Variants in MCC observed in about 807,000 individuals in gnomAD.
MCC encodes the protein MCC regulator of Wnt signaling pathway.
In MCC, 90 loss-of-function variants were observed where a neutral mutation model predicts 116.2. The ratio of observed to expected loss-of-function variants is 0.77; its 90% CI spans 0.65 to 0.92. MCC has a LOEUF of 0.92. Among genes scored for constraint, MCC ranks in the 40% least tolerant of loss-of-function variants. The pLI is 0.00. For missense variants in MCC, 1,516 were observed against 1,312.2 expected (o/e 1.16, Z -2.40); for synonymous variants, 578 against 510.5 (o/e 1.13, Z -1.78).
At chr5:113,208,888 C>T (rs960661153) in intron 3 of MCC, among the ~76,000 whole-genome samples, 5 of 152,160 alleles carry the variant, frequency 3.3e-5, no homozygotes, top group Non-Finnish European at 7.3e-5. Context: ...TATTACAATT[C>T]GCTAGAAAAT....
At chr5:113,042,269 T>G in intron 17 of MCC, among the ~76,000 whole-genome samples, 1 of 143,328 alleles carries the variant, frequency 7.0e-6, no homozygotes. Flanking sequence ...CCCAGGAGTT[T>G]GAGACCAGCC....
In MCC at chr5:113,102,663, T is replaced by C. The variant is rs77674100; in HGVS notation, c.1192-718A>G. 8.4e-3 allele frequency among the ~76,000 whole-genome samples: 1,283 copies of C among 152,300 alleles called. 23 individuals carry two copies. Among genetic ancestry groups the C allele is most frequent in the African/African-American group, 0.03 (1,229 of 41,558 alleles). On this transcript the variant is annotated intron_variant, in intron 7 of 18. Coordinates refer to ENST00000408903, the MANE Select transcript of MCC (RefSeq NM_001085377.2). The stretch of plus-strand genomic sequence containing the variant: ...AAAAACATTTAATGAAGAAGAAACA[T>C]GCATATTAGGGAAAAAAGGAAGAAG...
intron 2 of MCC, among the ~76,000 whole-genome samples, chr5:113,361,614 T>C (rs1768550076): frequency 1.3e-5 from 2 of 152,354 alleles, no homozygotes; most frequent in East Asian, 3.9e-4. Context: ...GATACCCAGA[T>C]AGCTGGTAAA....
In MCC at chr5:113,041,122, C is replaced by A. The variant is rs973246155; in HGVS notation, c.2756+2408G>T. Among the ~76,000 whole-genome samples, 29 of 152,114 alleles carry A rather than the reference C, an allele frequency of 1.9e-4. 1 individual carries two copies. The highest frequency in any genetic ancestry group is 1.6e-3 in the Admixed American group (24 of 15,274). The stretch of plus-strand genomic sequence containing the variant: ...TTAACTGCACGGCCAGAGGCTCTGG[C>A]AAAGTACAAACAGAGCTATTACAAC... On this transcript the variant is annotated intron_variant, in intron 17 of 18. Coordinates refer to ENST00000408903, the MANE Select transcript of MCC (RefSeq NM_001085377.2).
At chr5:113,329,405 A>AACATATATCCACACAT (rs1767641735) in intron 3 of MCC, among the ~76,000 whole-genome samples, 1 of 151,338 alleles carries the variant, frequency 6.6e-6, no homozygotes, top group African/African-American at 2.4e-5. Flanking sequence ...CACACACAGA[A>AACATATATCCACACAT]ACATATATCC....
At chr5:113,356,157 A>G (rs1339348543) in intron 2 of MCC, among the ~76,000 whole-genome samples, 1 of 149,862 alleles carries the variant, frequency 6.7e-6, no homozygotes, top group Non-Finnish European at 1.5e-5. Flanking sequence ...CCAACTCCTG[A>G]GCTCGAGTCC....
At chr5:113,084,402 T>C (rs1755060215) in intron 9 of MCC, among the ~76,000 whole-genome samples, 1 of 152,230 alleles carries the variant, frequency 6.6e-6, no homozygotes, top group African/African-American at 2.4e-5. Context: ...TAATTCTTTT[T>C]ATGGGGGTCT....
chr5:113,355,188 C>T (rs919843398), intron 2 of MCC, among the ~76,000 whole-genome samples: 7 of 152,152 alleles, frequency 4.6e-5, no homozygotes, highest in Non-Finnish European at 1.0e-4. Flanking sequence ...AGAGAAAGAT[C>T]AGGTGGGTTG....
intron 3 of MCC, among the ~76,000 whole-genome samples, chr5:113,195,557 G>C (rs962467571): frequency 2.0e-5 from 3 of 152,062 alleles, no homozygotes; most frequent in Non-Finnish European, 4.4e-5. Context: ...TGGGCCTCCT[G>C]AGATCACCAG....
chr5:113,131,559 G>T (rs999258149), intron 5 of MCC, among the ~76,000 whole-genome samples: 1 of 152,156 alleles, frequency 6.6e-6, no homozygotes, highest in African/African-American at 2.4e-5. Flanking sequence ...CAAGTAGAAA[G>T]GATTTAACTT....
intron 3 of MCC, among the ~76,000 whole-genome samples, chr5:113,260,493 A>T (rs1765182588): frequency 6.6e-6 from 1 of 152,144 alleles, no homozygotes; most frequent in Non-Finnish European, 1.5e-5. Flanking sequence ...TTGGAAAATG[A>T]AGGGTGTCTT....
chr5:113,455,297 A>ATTT (rs1771511882), intron 1 of MCC, among the ~76,000 whole-genome samples: 1 of 151,916 alleles, frequency 6.6e-6, no homozygotes, highest in Admixed American at 6.6e-5. Context: ...GCTAGCCCAT[A>ATTT]TTTTCTCATC....
At chr5:113,129,290 C>T (rs6594687) in intron 5 of MCC, among the ~76,000 whole-genome samples, 104,333 of 151,922 alleles carry the variant, frequency 0.69, 36,037 homozygotes, top group East Asian at 0.88. Flanking sequence ...AGAAGAGTGC[C>T]GTCAGGAAGG....
At chr5:113,347,276 C>A (rs1399996648) in intron 2 of MCC, among the ~76,000 whole-genome samples, 1 of 152,044 alleles carries the variant, frequency 6.6e-6, no homozygotes, top group African/African-American at 2.4e-5. Flanking sequence ...ATGACTACAA[C>A]AACTTTTTAA....
intron 3 of MCC, among the ~76,000 whole-genome samples, chr5:113,245,101 G>A (rs549340042): frequency 4.6e-5 from 7 of 152,092 alleles, no homozygotes; most frequent in South Asian, 2.1e-4. Flanking sequence ...AGACCAGCCC[G>A]ACCAATATGA....
intron 2 of MCC, among the ~76,000 whole-genome samples, chr5:113,361,256 T>TCAAA (rs1768540410): frequency 8.5e-6 from 1 of 117,214 alleles, no homozygotes; most frequent in Non-Finnish European, 1.8e-5. Flanking sequence ...TTCATAAATC[T>TCAAA]TTAAAAAAAA....
chr5:113,388,633 C>T (rs756241450), intron 1 of MCC, among the ~76,000 whole-genome samples: 4 of 152,182 alleles, frequency 2.6e-5, no homozygotes, highest in Admixed American at 6.5e-5. Flanking sequence ...CTTTGCCTTC[C>T]GCCATGATTG....
intron 3 of MCC, among the ~76,000 whole-genome samples, chr5:113,339,563 G>A (rs912862576): frequency 6.6e-6 from 1 of 152,064 alleles, no homozygotes; most frequent in African/African-American, 2.4e-5. Context: ...CTCTTTATTA[G>A]ACTTTCCTTG....
intron 3 of MCC, among the ~76,000 whole-genome samples, chr5:113,160,861 G>A (rs1243483230): frequency 6.6e-6 from 1 of 152,154 alleles, no homozygotes; most frequent in African/African-American, 2.4e-5. Context: ...TTCTATGTGG[G>A]AAAGTTAAAG....
Sources: gnomAD v4.1 joint callset for allele counts (sites outside exome capture counted in the v4.1 genomes callset) on GRCh38, gnomAD v4.1.1 for gene constraint, MANE v1.5 for transcripts, NCBI Gene and HGNC (gene_info 2026-07-23, HGNC 2026-07-21) for gene names.